NELL1: variants seen among roughly 807,000 people sequenced by gnomAD.
NELL1 encodes neural EGFL like 1, also known as protein kinase C-binding protein NELL1.
A neutral mutation model predicts 107.4 loss-of-function variants in NELL1; 76 were observed. The observed-to-expected ratio is 0.71, with a 90% CI of 0.59 to 0.86. The LOEUF (loss-of-function observed/expected upper bound fraction) is 0.86, where lower values mean the gene tolerates loss of function less well. Ranked by LOEUF, NELL1 falls within the 40% of genes least tolerant of loss-of-function variation. NELL1 has a pLI of 0.00. For synonymous variants in NELL1, 353 were observed against 341.2 expected (o/e 1.03, Z -0.38); for missense variants, 1,024 against 1,005.5 (o/e 1.02, Z -0.25).
chr11:20,944,492 G>A (rs1274125661), intron 10 of NELL1, among the ~76,000 whole-genome samples: 1 of 152,164 alleles, frequency 6.6e-6, no homozygotes, highest in Admixed American at 6.5e-5. Context: ...ACAATGGTTA[G>A]TACAGAACTT....
intron 3 of NELL1, among the ~76,000 whole-genome samples, chr11:20,796,182 A>C (rs2133996356): frequency 6.6e-6 from 1 of 152,310 alleles, no homozygotes; most frequent in African/African-American, 2.4e-5. Context: ...TGAAATAGTA[A>C]TTAGCTTTTC....
chr11:21,150,687 G>T (rs1018252646), intron 13 of NELL1, among the ~76,000 whole-genome samples: 5 of 152,146 alleles, frequency 3.3e-5, no homozygotes, highest in Non-Finnish European at 7.4e-5. Context: ...TTTTTTAATT[G>T]CTGAGGGACA....
intron 14 of NELL1, among the ~76,000 whole-genome samples, chr11:21,325,782 C>A (rs1415754447): frequency 2.0e-5 from 3 of 151,984 alleles, no homozygotes; most frequent in African/African-American, 7.2e-5. Flanking sequence ...GCTTTTCAGT[C>A]AATCACTGTC....
chr11:21,217,592 A>G (rs1471115039), intron 13 of NELL1, among the ~76,000 whole-genome samples: 2 of 152,204 alleles, frequency 1.3e-5, no homozygotes, highest in Non-Finnish European at 2.9e-5. Flanking sequence ...TTTCAGAAGT[A>G]CAACCTATTA....
chr11:21,527,515 T>G (rs933330708), intron 15 of NELL1, among the ~76,000 whole-genome samples: 1 of 152,150 alleles, frequency 6.6e-6, no homozygotes, highest in Non-Finnish European at 1.5e-5. Flanking sequence ...TCTGTATTAG[T>G]CAGGGTTCTC....
chr11:21,317,563 G>T, intron 14 of NELL1, among the ~76,000 whole-genome samples: 1 of 151,628 alleles, frequency 6.6e-6, no homozygotes, highest in East Asian at 2.0e-4. Context: ...TGCCAAGGAG[G>T]ATATTTTATA....
chr11:21,271,767 T>C (rs879283381), intron 14 of NELL1, among the ~76,000 whole-genome samples: 1 of 152,190 alleles, frequency 6.6e-6, no homozygotes, highest in African/African-American at 2.4e-5. Flanking sequence ...TTTAAAAAAA[T>C]ACACCATAAC....
intron 2 of NELL1, among the ~76,000 whole-genome samples, chr11:20,728,694 T>G (rs1173542294): frequency 1.3e-5 from 2 of 152,186 alleles, no homozygotes; most frequent in Admixed American, 6.5e-5. Flanking sequence ...ACCAGTATCA[T>G]GCTGTTTTGG....
chr11:21,045,173 A>T (rs1378948889), intron 12 of NELL1, among the ~76,000 whole-genome samples: 1 of 152,180 alleles, frequency 6.6e-6, no homozygotes, highest in African/African-American at 2.4e-5. Flanking sequence ...TGAGTGAGAA[A>T]TGTGGCAGAG....
chr11:21,392,348 T>C (rs1851897926), intron 15 of NELL1, among the ~76,000 whole-genome samples: 1 of 151,840 alleles, frequency 6.6e-6, no homozygotes, highest in South Asian at 2.1e-4. Flanking sequence ...CTGAGTCCTA[T>C]GCAATAAGTT....
At chr11:21,248,082 C>T (rs1206178670) in intron 14 of NELL1, among the ~76,000 whole-genome samples, 4 of 152,292 alleles carry the variant, frequency 2.6e-5, no homozygotes, top group Admixed American at 6.5e-5. Flanking sequence ...CAGTGGCTCA[C>T]GCCTGTAATT....
chr11:20,678,721 T>C (rs2133851592), intron 2 of NELL1, among the ~76,000 whole-genome samples: 1 of 152,262 alleles, frequency 6.6e-6, no homozygotes, highest in Non-Finnish European at 1.5e-5. Context: ...TGTCCTCAAA[T>C]GGTGGAAGGG....
chr11:20,893,634 T>C (rs1849663995), intron 5 of NELL1, among the ~76,000 whole-genome samples: 1 of 151,406 alleles, frequency 6.6e-6, no homozygotes, highest in South Asian at 2.1e-4. Flanking sequence ...GGGATTTTTT[T>C]TAAGCCTCAT....
At chr11:20,702,293 T>C (rs1455275982) in intron 2 of NELL1, among the ~76,000 whole-genome samples, 1 of 152,198 alleles carries the variant, frequency 6.6e-6, no homozygotes, top group Non-Finnish European at 1.5e-5. Flanking sequence ...AGTTCACTCA[T>C]GATTTGGCTC....
At chr11:21,502,408 A>G (rs567151443) in intron 15 of NELL1, among the ~76,000 whole-genome samples, 8 of 152,288 alleles carry the variant, frequency 5.3e-5, no homozygotes, top group African/African-American at 1.7e-4. Flanking sequence ...TTGTTTTACA[A>G]TTTTGGTGTT....
At chr11:21,153,446 T>G (rs1856163999) in intron 13 of NELL1, among the ~76,000 whole-genome samples, 1 of 152,106 alleles carries the variant, frequency 6.6e-6, no homozygotes. Flanking sequence ...TTAAATAAAT[T>G]ATTTATTAAG....
chr11:21,016,488 G>C (rs181910402), intron 12 of NELL1, among the ~76,000 whole-genome samples: 1 of 151,902 alleles, frequency 6.6e-6, no homozygotes, highest in Non-Finnish European at 1.5e-5. Flanking sequence ...TTACCCACAC[G>C]TACCCTTTGT....
intron 16 of NELL1, among the ~76,000 whole-genome samples, chr11:21,541,529 C>T (rs1564950331): frequency 6.6e-6 from 1 of 151,914 alleles, no homozygotes. Context: ...ATAGGAGTGG[C>T]GATAAAAAGG....
chr11:21,362,990 T>C (rs896294194), intron 14 of NELL1, among the ~76,000 whole-genome samples: 1 of 147,106 alleles, frequency 6.8e-6, no homozygotes, highest in Non-Finnish European at 1.5e-5. Flanking sequence ...CCAGCTCCCA[T>C]ACAGTTGGCG....
Sources: gnomAD v4.1 joint callset for allele counts (sites outside exome capture counted in the v4.1 genomes callset) on GRCh38, gnomAD v4.1.1 for gene constraint, MANE v1.5 for transcripts, NCBI Gene and HGNC (gene_info 2026-07-23, HGNC 2026-07-21) for gene names.